CES4A: variants seen among roughly 807,000 people sequenced by gnomAD.
The protein encoded by CES4A is carboxylesterase 4A.
A neutral mutation model predicts 65.4 loss-of-function variants in CES4A; 48 were observed. The observed-to-expected ratio is 0.73, with a 90% CI of 0.58 to 0.93. CES4A has a LOEUF of 0.93. Among genes scored for constraint, CES4A ranks in the 40% least tolerant of loss-of-function variants. The pLI, the probability that CES4A is intolerant of heterozygous loss-of-function variation, is 0.00. For synonymous variants in CES4A, 247 were observed against 281.8 expected, an observed-to-expected ratio of 0.88 and a Z score of 1.24; for missense variants, 685 against 728.5, an observed-to-expected ratio of 0.94 and a Z score of 0.69.
chr16:66,993,953 T>C (rs1964598623), intron 1 of CES4A, among the ~76,000 whole-genome samples: 1 of 150,920 alleles, frequency 6.6e-6, no homozygotes, highest in South Asian at 2.1e-4. Flanking sequence ...TACAAAAAAT[T>C]AGCCGGGCAT....
At chr16:66,997,649 G>A (rs1222621875) in intron 2 of CES4A, among the ~76,000 whole-genome samples, 1 of 152,108 alleles carries the variant, frequency 6.6e-6, no homozygotes, top group Non-Finnish European at 1.5e-5. Context: ...GAGGAAAACT[G>A]GAGCAAGAGC....
exon 14 of CES4A, chr16:67,009,084 T>C (rs1965992643): frequency 6.2e-7 from 1 of 1,614,226 alleles, no homozygotes; most frequent in Non-Finnish European, 8.5e-7. Context: ...GAGAAGAAGA[T>C]GGCTTTTTGG....
chr16:66,999,024 C>CT (rs900997252), intron 2 of CES4A, among the ~76,000 whole-genome samples: 13 of 152,228 alleles, frequency 8.5e-5, no homozygotes, highest in African/African-American at 2.7e-4. Context: ...GCACAGAAGC[C>CT]TTGGCTGTTC....
chr16:66,996,466 CT>C (rs1463960365), intron 2 of CES4A, among the ~76,000 whole-genome samples: 1 of 152,206 alleles, frequency 6.6e-6, no homozygotes, highest in Non-Finnish European at 1.5e-5. Flanking sequence ...CATCACCCCC[CT>C]GACCCAGTCC....
intron 11 of CES4A, 102 bp from the exon 12 acceptor site, chr16:67,006,289 G>A: frequency 7.7e-7 from 1 of 1,305,976 alleles, no homozygotes; most frequent in South Asian, 1.4e-5. Flanking sequence ...TGAAGCCAAA[G>A]CTCTTTTTCC....
chr16:67,003,863 G>A lies in CES4A; in HGVS notation c.940-221G>A, dbSNP rs1292511292. 6.6e-6 allele frequency among the ~76,000 whole-genome samples: 1 copy of A among 152,138 alleles called. No individual in the cohort carries two copies. Among genetic ancestry groups the A allele is most frequent in the Admixed American group, 6.6e-5 (1 of 15,264 alleles). On this transcript the variant is annotated intron_variant, in intron 8 of 13. Coordinates refer to ENST00000648724, the Ensembl canonical transcript of CES4A. This position sits in a 1 kb window ranked among gnomAD's most constrained non-coding sequence, Gnocchi z 4.2. ...AAAGATTTTCAAGAGGTGAAGGAGT[G>A]AGCTATACAGATACCCGCGGCCATC...
exon 9 of CES4A, chr16:67,004,221 T>G (rs1965571951): frequency 6.2e-7 from 1 of 1,613,958 alleles, no homozygotes; most frequent in Non-Finnish European, 8.5e-7. Flanking sequence ...GGCTCTTGCC[T>G]TATGTAAGTG....
In CES4A at chr16:67,000,230, CG is replaced by C. The variant is rs1017782362; in HGVS notation, c.261-406del. On this transcript the variant is annotated intron_variant, in intron 2 of 13. Transcript: ENST00000648724. This position sits in a 1 kb window ranked among gnomAD's most constrained non-coding sequence, Gnocchi z 4.2. ...GCTGGGGTACTGTCCAGACCAGAGA[CG>C]GTGGTGGCCTTGACATCTCCCCAGA... 2.0e-5 allele frequency among the ~76,000 whole-genome samples: 3 copies of C among 152,026 alleles called. No homozygotes were observed. The highest frequency in any genetic ancestry group is 7.2e-5 in the African/African-American group (3 of 41,396).
At chr16:66,990,472 G>T (rs1431093815) in intron 1 of CES4A, among the ~76,000 whole-genome samples, 1 of 152,114 alleles carries the variant, frequency 6.6e-6, no homozygotes, top group Non-Finnish European at 1.5e-5. Flanking sequence ...TGATGTGGGA[G>T]GATTGCTTAA....
At chr16:67,009,351 C>A in exon 14 of CES4A, 2 of 522,594 alleles carry the variant, frequency 3.8e-6, no homozygotes, top group South Asian at 6.0e-5. Flanking sequence ...TCCCATGATG[C>A]CCCTCTACTT....
At position 67,000,841 on chromosome 16, in the gene CES4A, G is replaced by A; in HGVS notation, c.403-16G>A. On this transcript the variant is annotated splice_polypyrimidine_tract_variant and intron_variant, in intron 3 of 13. Coordinates refer to ENST00000648724, the Ensembl canonical transcript of CES4A. This position sits in a 1 kb window ranked among gnomAD's most constrained non-coding sequence, Gnocchi z 4.2. ...CCGCCCACCGCCCCGCTCAGATCCC[G>A]GCCTTCTTCGTCCAGGTGATGGTCT... 2 of 1,572,386 alleles carry A rather than the reference G, an allele frequency of 1.3e-6. No homozygotes were observed. Among genetic ancestry groups the A allele is most frequent in the African/African-American group, 1.4e-5 (1 of 74,054 alleles).
intron 2 of CES4A, among the ~76,000 whole-genome samples, chr16:66,999,390 C>T (rs1049579674): frequency 6.6e-6 from 1 of 152,230 alleles, no homozygotes; most frequent in African/African-American, 2.4e-5. Context: ...CAGTATAAGG[C>T]ACTGGGCTGG....
chr16:66,998,839 C>T (rs1173144594), intron 2 of CES4A, among the ~76,000 whole-genome samples: 2 of 150,802 alleles, frequency 1.3e-5, no homozygotes, highest in Non-Finnish European at 2.9e-5. Context: ...CCAGCCTGGC[C>T]GACAGAGCGA....
At chr16:66,991,976 A>G (rs911015591) in intron 1 of CES4A, among the ~76,000 whole-genome samples, 2 of 152,174 alleles carry the variant, frequency 1.3e-5, no homozygotes, top group African/African-American at 4.8e-5. Context: ...GAAAAAAATG[A>G]GGTGAGATAA....
rs370205877 is a variant in CES4A at position 66,996,286 on chromosome 16, C to T, written c.260+457C>T. The T allele has an allele frequency of 9.4e-4, 306 of 327,002 alleles. 2 individuals are homozygous for T. The highest frequency in any genetic ancestry group is 5.5e-3 in the South Asian group (228 of 41,782). The allele number at this position is 327,002 out of a possible 1,614,324, so 20.3% of individuals were successfully genotyped here. A position where few individuals can be genotyped will look rare whatever the true frequency, so the allele number is the denominator to read the frequency against. ...TCTTGACCTCGTGATCCACATGCCT[C>T]GGCCTCCCAAAGTGCTGAGATTACA... is the stretch of plus-strand genomic sequence containing the variant. On this transcript the variant is annotated intron_variant, in intron 2 of 13. Coordinates refer to ENST00000648724, the Ensembl canonical transcript of CES4A.
intron 1 of CES4A, among the ~76,000 whole-genome samples, chr16:66,991,918 G>A (rs546034478): frequency 6.6e-6 from 1 of 152,146 alleles, no homozygotes; most frequent in African/African-American, 2.4e-5. Flanking sequence ...AGACCAGCCT[G>A]GGTAACAAAG....
rs56832373 is a variant in CES4A, at chr16:66,995,312, AAAATAAAT to A, written c.59-294_59-287del. 1.1e-3 allele frequency among the ~76,000 whole-genome samples: 174 copies of A among 151,362 alleles called. 1 individual carries two copies. The highest frequency in any genetic ancestry group is 1.1e-3 in the African/African-American group (44 of 41,372). On this transcript the variant is annotated intron_variant, in intron 1 of 13. Transcript: ENST00000648724. ...GCGACAGAGCAAGACTCCATCTCAA[AAAATAAAT>A]AAATAAATAAATAAATAAATATAAA...
chr16:67,006,634 C>T (rs867140797), intron 12 of CES4A, 111 bp from the exon 13 acceptor site: 3 of 1,536,180 alleles, frequency 2.0e-6, no homozygotes, highest in Non-Finnish European at 2.7e-6. Flanking sequence ...ATCTGTTATG[C>T]TCTCCCAAAT....
At position 67,000,723 on chromosome 16, in the gene CES4A, T is replaced by C; in HGVS notation, c.346T>C (p.Cys116Arg). Residue 116 changes from cysteine to arginine, a missense_variant, in exon 3 of 14, where the codon TGT (cysteine) becomes CGT (arginine). Cys to Arg is a radical substitution (Grantham distance 180, BLOSUM62 -3). Transcript: ENST00000648724. This position sits in a 1 kb window ranked among gnomAD's most constrained non-coding sequence, Gnocchi z 4.2. ...CAAGTGGCTGCGCTTCAGCGAGGACTGTCTGTACCTGAACGTGTACGCGCC... is the reference window on the plus strand; with the variant it reads ...CAAGTGGCTGCGCTTCAGCGAGGACCGTCTGTACCTGAACGTGTACGCGCC... 2 of 1,550,270 alleles carry C rather than the reference T, an allele frequency of 1.3e-6. No homozygotes were observed. Among genetic ancestry groups the C allele is most frequent in the African/African-American group, 2.7e-5 (2 of 73,132 alleles).
Sources: allele counts gnomAD v4.1 joint callset (sites outside exome capture counted in the v4.1 genomes callset), GRCh38; gene constraint gnomAD v4.1.1; non-coding constraint Gnocchi (gnomAD v3.1); transcripts MANE v1.5; gene names NCBI Gene and HGNC (gene_info 2026-07-23, HGNC 2026-07-21).